SLC24A3: variants seen among roughly 807,000 people sequenced by gnomAD.
SLC24A3 encodes solute carrier family 24 member 3.
SLC24A3 carries 28 observed loss-of-function variants against 75.8 expected under a neutral mutation model. The observed-to-expected ratio is 0.37, with a 90% CI of 0.27 to 0.51. The LOEUF is 0.51. SLC24A3 is among the 20% of genes least tolerant of loss of function. The pLI is 0.94. For synonymous variants in SLC24A3, 372 were observed against 334.1 expected (o/e 1.11, Z -1.24); for missense variants, 663 against 847.8 (o/e 0.78, Z 2.71).
In SLC24A3 at chr20:19,293,940, T is replaced by C. The variant is rs187674941; in HGVS notation, c.271+12853T>C. Among the ~76,000 whole-genome samples, 120 of 152,192 alleles carry C rather than the reference T, an allele frequency of 7.9e-4. 1 individual carries two copies. Among genetic ancestry groups the C allele is most frequent in the African/African-American group, 2.8e-3 (115 of 41,522 alleles). On this transcript the variant is annotated intron_variant, in intron 2 of 16. Transcript: ENST00000328041. ...TAGGACACCCCCCCACCTCAGAATATCAGAATGCATGGGTCCTCAAGTCCC... is the reference window on the plus strand; with the variant it reads ...TAGGACACCCCCCCACCTCAGAATACCAGAATGCATGGGTCCTCAAGTCCC...
intron 2 of SLC24A3, among the ~76,000 whole-genome samples, chr20:19,356,065 C>T (rs1334829395): frequency 6.6e-6 from 1 of 152,194 alleles, no homozygotes; most frequent in Non-Finnish European, 1.5e-5. Flanking sequence ...AACTCTGCCA[C>T]CTGCCAGGTA....
intron 6 of SLC24A3, among the ~76,000 whole-genome samples, chr20:19,593,003 T>C (rs137942845): frequency 0.011 from 1,623 of 151,718 alleles, 39 homozygotes; most frequent in African/African-American, 0.037. Context: ...GCCATGTTAG[T>C]CAGGCTGGTC....
intron 2 of SLC24A3, among the ~76,000 whole-genome samples, chr20:19,356,181 G>T (rs1241247307): frequency 6.6e-6 from 1 of 152,156 alleles, no homozygotes; most frequent in Non-Finnish European, 1.5e-5. Flanking sequence ...AAAACATATA[G>T]GGAGTAACAT....
At chr20:19,262,264 G>A (rs1250434602) in intron 1 of SLC24A3, among the ~76,000 whole-genome samples, 1 of 151,636 alleles carries the variant, frequency 6.6e-6, no homozygotes, top group Non-Finnish European at 1.5e-5. Context: ...AATTAGCCGG[G>A]CGTGGTGGCG....
chr20:19,379,152 G>A (rs980518547), intron 2 of SLC24A3, among the ~76,000 whole-genome samples: 2 of 152,144 alleles, frequency 1.3e-5, no homozygotes, highest in African/African-American at 4.8e-5. Flanking sequence ...TACGGAATGT[G>A]ATTATTGCTG....
intron 7 of SLC24A3, 55 bp downstream of exon 7, chr20:19,654,191 TG>T: frequency 6.5e-7 from 1 of 1,539,972 alleles, no homozygotes; most frequent in East Asian, 2.2e-5. Context: ...GCACCAGGGG[TG>T]GTGTGAGGCT....
In SLC24A3 at chr20:19,241,744, C is replaced by T. The variant is rs74726267; in HGVS notation, c.142+28760C>T. ...CTTCTTGGCTGAGTTGGAGATGCTC[C>T]TTCCAGGCTGGTGGCTCTGAATTCA... On this transcript the variant is annotated intron_variant, in intron 1 of 16. Transcript: ENST00000328041. Among the ~76,000 whole-genome samples, 338 of 152,222 alleles carry T rather than the reference C, an allele frequency of 2.2e-3. 1 individual carries two copies. The highest frequency in any genetic ancestry group is 7.9e-3 in the African/African-American group (330 of 41,524).
intron 12 of SLC24A3, among the ~76,000 whole-genome samples, chr20:19,692,668 A>T (rs1341578605): frequency 6.6e-6 from 1 of 152,190 alleles, no homozygotes; most frequent in African/African-American, 2.4e-5. Context: ...AATACATGGA[A>T]ATATGTATGC....
chr20:19,334,008 T>C lies in SLC24A3; in HGVS notation c.271+52921T>C, dbSNP rs918011058. On this transcript the variant is annotated intron_variant, in intron 2 of 16. Transcript: ENST00000328041. ...GTACATTTTCAATGGTTAAAATGTA[T>C]GACAGGTGCATTATATCAGAAGAAA... Among the ~76,000 whole-genome samples, 4 of 150,332 alleles carry C rather than the reference T, an allele frequency of 2.7e-5. 1 individual carries two copies. The South Asian group carries it at 8.4e-4, about 32-fold the overall frequency.
intron 2 of SLC24A3, among the ~76,000 whole-genome samples, chr20:19,336,829 C>T (rs1395436611): frequency 6.6e-6 from 1 of 151,890 alleles, no homozygotes; most frequent in African/African-American, 2.4e-5. Context: ...TGGGTAAAAC[C>T]GGTAGGCCTT....
chr20:19,639,928 G>C (rs1009199825), intron 6 of SLC24A3, among the ~76,000 whole-genome samples: 17 of 152,274 alleles, frequency 1.1e-4, no homozygotes, highest in African/African-American at 3.9e-4. Flanking sequence ...GCTGCTCCGA[G>C]TGCGGGGGCT....
chr20:19,273,055 C>G (rs1296393213), intron 1 of SLC24A3, among the ~76,000 whole-genome samples: 1 of 152,124 alleles, frequency 6.6e-6, no homozygotes, highest in African/African-American at 2.4e-5. Context: ...CTCGATCTGC[C>G]CAACAATCAT....
chr20:19,513,989 C>G (rs1034302340), intron 2 of SLC24A3, among the ~76,000 whole-genome samples: 5 of 152,208 alleles, frequency 3.3e-5, no homozygotes, highest in African/African-American at 1.2e-4. Context: ...TAACTGTCCC[C>G]CACTTGCTGT....
intron 2 of SLC24A3, among the ~76,000 whole-genome samples, chr20:19,307,628 A>G (rs543031997): frequency 3.9e-5 from 6 of 152,102 alleles, no homozygotes; most frequent in Non-Finnish European, 5.9e-5. Context: ...GGGAGGGAGA[A>G]CATTAGGACA....
chr20:19,493,699 G>C (rs1027712087), intron 2 of SLC24A3, among the ~76,000 whole-genome samples: 1 of 152,108 alleles, frequency 6.6e-6, no homozygotes, highest in Non-Finnish European at 1.5e-5. Flanking sequence ...ACTGGAGCTG[G>C]AGGGTAAGAA....
chr20:19,546,158 C>CAAAAAAAAAAGAAAAAAAAAAAAAAA (rs2030587919), intron 3 of SLC24A3, among the ~76,000 whole-genome samples: 1 of 46,740 alleles, frequency 2.1e-5, no homozygotes. Flanking sequence ...GACTCCGTCT[C>CAAAAAAAAAAGAAAAAAAAAAAAAAA]AAAAAAAAAA....
At position 19,697,407 on chromosome 20, in the gene SLC24A3, A is replaced by G. The variant is rs142130389; in HGVS notation, c.1606+496A>G. 452 of 156,060 alleles carry G rather than the reference A, an allele frequency of 2.9e-3. 5 individuals are homozygous for G. The highest frequency in any genetic ancestry group is 9.9e-3 in the African/African-American group (413 of 41,628). The allele number at this position is 156,060 out of a possible 1,614,324, so 9.7% of individuals were successfully genotyped here. A position where few individuals can be genotyped will look rare whatever the true frequency, so the allele number is the denominator to read the frequency against. On this transcript the variant is annotated intron_variant, in intron 14 of 16. Coordinates refer to ENST00000328041, the MANE Select transcript of SLC24A3 (RefSeq NM_020689.4). ...AGCTCTGTGAAATAAGCACAATCAT[A>G]CCCCCATTTTATGGACAAGAAAATT...
At chr20:19,600,662 C>G (rs1277305481) in intron 6 of SLC24A3, among the ~76,000 whole-genome samples, 2 of 152,100 alleles carry the variant, frequency 1.3e-5, no homozygotes, top group Non-Finnish European at 2.9e-5. Flanking sequence ...TGTGTGCTTT[C>G]TTAAAAATAT....
At chr20:19,316,669 A>G (rs992120162) in intron 2 of SLC24A3, among the ~76,000 whole-genome samples, 3 of 152,174 alleles carry the variant, frequency 2.0e-5, no homozygotes, top group African/African-American at 7.2e-5. Flanking sequence ...GGTTGGCCCT[A>G]GGGGCTGGGG....
Sources: gnomAD v4.1 joint callset for allele counts (sites outside exome capture counted in the v4.1 genomes callset) on GRCh38, gnomAD v4.1.1 for gene constraint, MANE v1.5 for transcripts, NCBI Gene and HGNC (gene_info 2026-07-23, HGNC 2026-07-21) for gene names.